The following SNTB1 variants were observed in gnomAD, a reference collection of about 807,000 sequenced individuals.
The protein encoded by SNTB1 is beta-1-syntrophin.
A neutral mutation model predicts 48.9 loss-of-function variants in SNTB1; 36 were observed. The ratio of observed to expected loss-of-function variants is 0.74; its 90% CI spans 0.56 to 0.97. The LOEUF (loss-of-function observed/expected upper bound fraction) is 0.97, where lower values mean the gene tolerates loss of function less well. Ranked by LOEUF, SNTB1 falls within the 50% of genes least tolerant of loss-of-function variation. SNTB1 has a pLI of 0.00. For synonymous variants in SNTB1, 299 were observed against 294.6 expected (o/e 1.01, Z -0.15); for missense variants, 786 against 703.4 (o/e 1.12, Z -1.33).
intron 2 of SNTB1, 82 bp downstream of exon 2, chr8:120,693,610 A>G: frequency 8.7e-7 from 1 of 1,148,384 alleles, no homozygotes; most frequent in South Asian, 1.3e-5. Context: ...TCAGAACATG[A>G]GGGCAATCTC....
intron 4 of SNTB1, among the ~76,000 whole-genome samples, chr8:120,551,795 T>C (rs1378927247): frequency 6.7e-6 from 1 of 149,566 alleles, no homozygotes; most frequent in Non-Finnish European, 1.5e-5. Context: ...ACTGTACCTA[T>C]CACAGAAACT....
In SNTB1 at chr8:120,548,832, G is replaced by C. The variant is rs911380205; in HGVS notation, c.1263C>G (p.Leu421=). 6.2e-7 allele frequency: 1 copy of C among 1,614,010 alleles called. No homozygotes were observed. Among genetic ancestry groups the C allele is most frequent in the Non-Finnish European group, 8.5e-7 (1 of 1,180,014 alleles). ...GTACTATGCTCCTTGTCCAGTGGGA[G>C]AGGTCCCTGCTGGTCTCTGCTCTGA... The part of the protein sequence containing the change: ...HLFRAETSRD[L]SHWTRSIVQG... The change falls in exon 5 of 7, where the codon CTC becomes CTG. Residue 421 remains leucine, a synonymous_variant. Transcript: ENST00000517992.
intron 2 of SNTB1, among the ~76,000 whole-genome samples, chr8:120,645,973 G>A (rs1215538501): frequency 0.013 from 1,851 of 147,250 alleles, 42 homozygotes; most frequent in African/African-American, 0.043. Flanking sequence ...TTTGTCTGTT[G>A]TTGGTGTATA....
At chr8:120,642,946 C>T (rs1419770734) in intron 2 of SNTB1, among the ~76,000 whole-genome samples, 1 of 152,156 alleles carries the variant, frequency 6.6e-6, no homozygotes, top group Non-Finnish European at 1.5e-5. Context: ...AAATTCCAAA[C>T]ATCTGTTATC....
At chr8:120,635,472 G>C (rs539824527) in intron 2 of SNTB1, 1 of 152,342 alleles carries the variant, frequency 6.6e-6, no homozygotes, top group Admixed American at 6.5e-5. Flanking sequence ...TCTTTTGAAG[G>C]CCTTTTTAAA....
intron 1 of SNTB1, among the ~76,000 whole-genome samples, chr8:120,781,633 G>C (rs928903851): frequency 1.3e-5 from 2 of 152,080 alleles, no homozygotes; most frequent in Admixed American, 6.6e-5. Flanking sequence ...ATTCCTACTA[G>C]GTCTGTGTAT....
chr8:120,550,581 G>A (rs1258507647), intron 4 of SNTB1, among the ~76,000 whole-genome samples: 1 of 149,964 alleles, frequency 6.7e-6, no homozygotes, highest in Non-Finnish European at 1.5e-5. Flanking sequence ...TGGAAGTTCT[G>A]TGAATCTCAT....
At chr8:120,731,809 C>T (rs887537044) in intron 1 of SNTB1, among the ~76,000 whole-genome samples, 1 of 152,180 alleles carries the variant, frequency 6.6e-6, no homozygotes, top group African/African-American at 2.4e-5. Context: ...TTGCTGTATA[C>T]CATGGGCTTA....
chr8:120,708,493 G>A (rs886929022), intron 1 of SNTB1, among the ~76,000 whole-genome samples: 3 of 151,892 alleles, frequency 2.0e-5, no homozygotes, highest in Admixed American at 6.6e-5. Flanking sequence ...AGAAGTCATG[G>A]AAAATTTTTA....
chr8:120,712,959 T>C (rs1818489925), intron 1 of SNTB1, among the ~76,000 whole-genome samples: 1 of 152,172 alleles, frequency 6.6e-6, no homozygotes. Context: ...CTCGTTACTA[T>C]TGCCAGTACC....
chr8:120,580,258 C>T (rs1034005745), intron 3 of SNTB1, among the ~76,000 whole-genome samples: 7 of 152,262 alleles, frequency 4.6e-5, no homozygotes, highest in South Asian at 2.1e-4. Flanking sequence ...TACTTGAGCA[C>T]GCATGGCAGG....
At position 120,755,171 on chromosome 8, in the gene SNTB1, TGAGA is replaced by T. The variant is rs35915373; in HGVS notation, c.571+56098_571+56101del. ...GTGTGTGTGTGTGTGTGTGTGTGTGTGAGAGAGAGAGAGAGAGCGAGAGAGAGAG... is the reference window on the plus strand; with the variant it reads ...GTGTGTGTGTGTGTGTGTGTGTGTGTGAGAGAGAGAGAGCGAGAGAGAGAG... On this transcript the variant is annotated intron_variant, in intron 1 of 6. Transcript: ENST00000517992. Among the ~76,000 whole-genome samples the T allele has an allele frequency of 5.3e-3, 488 of 92,938 alleles. 2 individuals carry two copies. Among genetic ancestry groups the T allele is most frequent in the African/African-American group, 0.019 (378 of 20,338 alleles). 61.0% of individuals were successfully genotyped at this position (92,938 alleles called of 152,430 possible).
intron 2 of SNTB1, among the ~76,000 whole-genome samples, chr8:120,686,651 G>T (rs909264633): frequency 1.2e-4 from 19 of 152,118 alleles, no homozygotes; most frequent in African/African-American, 4.1e-4. Context: ...AAATCAGAGA[G>T]ATTGGATAAT....
intron 3 of SNTB1, among the ~76,000 whole-genome samples, chr8:120,602,351 T>A (rs1399700479): frequency 6.6e-6 from 1 of 152,190 alleles, no homozygotes; most frequent in East Asian, 1.9e-4. Flanking sequence ...TCAGTCTAGG[T>A]GTTGCTGTGA....
intron 5 of SNTB1, among the ~76,000 whole-genome samples, chr8:120,545,844 G>C (rs1463535364): frequency 2.0e-5 from 3 of 152,136 alleles, no homozygotes. Flanking sequence ...ACAGGTCTAG[G>C]GATAATAATT....
intron 3 of SNTB1, among the ~76,000 whole-genome samples, chr8:120,602,821 T>C (rs1398225168): frequency 6.6e-6 from 1 of 150,998 alleles, no homozygotes; most frequent in African/African-American, 2.4e-5. Context: ...ATAAAAAGCA[T>C]TTAAAAGTCA....
At position 120,679,160 on chromosome 8, in the gene SNTB1, C is replaced by T. The variant is rs1041372529; in HGVS notation, c.788+14532G>A. Among the ~76,000 whole-genome samples the T allele has an allele frequency of 2.0e-5, 3 of 152,212 alleles. No individual in the cohort carries two copies. The East Asian group carries it at 5.8e-4, about 29-fold the overall frequency. ...CTCTGTCTATAGTTCCTGCATTATG[C>T]TCTTTAGCTGACATTTCAGGGATGA... On this transcript the variant is annotated intron_variant, in intron 2 of 6. Transcript: ENST00000517992.
rs192531760 is a variant in SNTB1, at chr8:120,594,122, G to C, written c.997-18897C>G. Among the ~76,000 whole-genome samples, 913 of 151,882 alleles carry C rather than the reference G, an allele frequency of 6.0e-3. 7 individuals carry two copies. Among genetic ancestry groups the C allele is most frequent in the African/African-American group, 0.02 (845 of 41,378 alleles). ...TCTGTCACCCAGGCTGAAGTGGGGT[G>C]GTGCAATCATGGGTCACTGCAGCCT... On this transcript the variant is annotated intron_variant, in intron 3 of 6. Transcript: ENST00000517992.
intron 2 of SNTB1, among the ~76,000 whole-genome samples, chr8:120,633,761 C>G (rs28591616): frequency 6.6e-6 from 1 of 152,068 alleles, no homozygotes; most frequent in Non-Finnish European, 1.5e-5. Context: ...TACTTTATGT[C>G]GTTAACTTCT....
Sources: allele counts gnomAD v4.1 joint callset (sites outside exome capture counted in the v4.1 genomes callset), GRCh38; gene constraint gnomAD v4.1.1; transcripts MANE v1.5; gene names NCBI Gene and HGNC (gene_info 2026-07-23, HGNC 2026-07-21).